The following BCAS3 variants were observed in gnomAD, a reference collection of about 807,000 sequenced individuals.
The protein encoded by BCAS3 is BCAS4/BCAS3 fusion.
In BCAS3, 53 loss-of-function variants were observed where a neutral mutation model predicts 116.1. The ratio of observed to expected loss-of-function variants is 0.46; its 90% CI spans 0.37 to 0.57. The LOEUF is 0.57. BCAS3 is among the 20% of genes least tolerant of loss of function. The pLI is 0.00. For missense variants in BCAS3, 917 were observed against 1,165.4 expected (o/e 0.79, Z 3.10); for synonymous variants, 391 against 408.2 (o/e 0.96, Z 0.51).
At chr17:60,701,175 C>T (rs1191477373) in intron 4 of BCAS3, among the ~76,000 whole-genome samples, 1 of 149,058 alleles carries the variant, frequency 6.7e-6, no homozygotes, top group Non-Finnish European at 1.5e-5. Context: ...ACTGGGGAGG[C>T]GGAGGTTGCA....
At chr17:60,874,618 A>T (rs371725896) in intron 8 of BCAS3, 44 bp from the exon 9 acceptor site, 24 of 1,378,636 alleles carry the variant, frequency 1.7e-5, no homozygotes, top group Non-Finnish European at 2.1e-5. Flanking sequence ...AGAATTTCAC[A>T]TTCACTTTTT....
chr17:61,268,320 C>G (rs376819605), intron 22 of BCAS3, among the ~76,000 whole-genome samples: 64 of 152,202 alleles, frequency 4.2e-4, no homozygotes, highest in African/African-American at 1.5e-3. Flanking sequence ...GTCTATCCCT[C>G]TCTTTTTGAA....
At chr17:61,090,324 C>CATAT (rs1267682141) in intron 22 of BCAS3, among the ~76,000 whole-genome samples, 1 of 152,088 alleles carries the variant, frequency 6.6e-6, no homozygotes, top group Non-Finnish European at 1.5e-5. Context: ...AACTCCAGGG[C>CATAT]ATATACCTTG....
Position 61,208,079 on chromosome 17 carries a change from CTT to C in BCAS3, c.2425+123516_2425+123517del, listed in dbSNP as rs548010140. 8.5e-5 allele frequency among the ~76,000 whole-genome samples: 13 copies of C among 152,062 alleles called. No individual in the cohort carries two copies. The highest frequency in any genetic ancestry group is 2.9e-4 in the African/African-American group (12 of 41,472). Reference sequence around the variant, plus strand: ...ACCCTTTTTTATTATATCTTAGTAACTTATTTAATATTTTAGAAAGTGGCTTA... The same window carrying C: ...ACCCTTTTTTATTATATCTTAGTAACATTTAATATTTTAGAAAGTGGCTTA... On this transcript the variant is annotated intron_variant, in intron 22 of 23. Transcript: ENST00000407086. This position sits in a 1 kb window ranked among gnomAD's most constrained non-coding sequence, Gnocchi z 4.5.
At position 61,101,302 on chromosome 17, in the gene BCAS3, G is replaced by A. The variant is rs146892076; in HGVS notation, c.2425+16738G>A. Among the ~76,000 whole-genome samples the A allele has an allele frequency of 3.0e-4, 46 of 152,148 alleles. 1 individual carries two copies. In the East Asian group the frequency reaches 7.9e-3, roughly 26 times the overall value. Reference sequence around the variant, plus strand: ...AGCTAGGAAAGCCACTCTCAATCAGGTAGTGGTTTCTTAAGCTGAAAAAGG... The same window carrying A: ...AGCTAGGAAAGCCACTCTCAATCAGATAGTGGTTTCTTAAGCTGAAAAAGG... On this transcript the variant is annotated intron_variant, in intron 22 of 23. Transcript: ENST00000407086.
chr17:60,935,311 A>G (rs1188814270), intron 13 of BCAS3, among the ~76,000 whole-genome samples: 6 of 152,224 alleles, frequency 3.9e-5, no homozygotes, highest in Non-Finnish European at 8.8e-5. Flanking sequence ...GAGTACAACA[A>G]TGTAAAATAA....
At chr17:60,999,331 A>G (rs1269621313) in intron 15 of BCAS3, among the ~76,000 whole-genome samples, 1 of 152,028 alleles carries the variant, frequency 6.6e-6, no homozygotes, top group African/African-American at 2.4e-5. Context: ...TGAGGTCAGA[A>G]GTTCGAGACC....
intron 22 of BCAS3, among the ~76,000 whole-genome samples, chr17:61,301,572 G>A (rs2053442014): frequency 6.6e-6 from 1 of 152,180 alleles, no homozygotes; most frequent in Non-Finnish European, 1.5e-5. Context: ...GGGAGGTGGA[G>A]GTTGCAATGA....
chr17:61,384,778 C>T (rs1376679236), intron 23 of BCAS3: 1 of 152,334 alleles, frequency 6.6e-6, no homozygotes, highest in African/African-American at 2.4e-5. Context: ...CTGCTAGCCC[C>T]AGCACCCCCG....
chr17:61,147,027 G>T (rs766541340), intron 22 of BCAS3, among the ~76,000 whole-genome samples: 1 of 151,588 alleles, frequency 6.6e-6, no homozygotes, highest in Non-Finnish European at 1.5e-5. Flanking sequence ...CAACCCTCCC[G>T]CCTCATCCTC....
At chr17:61,306,540 G>A (rs554981051) in intron 22 of BCAS3, among the ~76,000 whole-genome samples, 11 of 152,334 alleles carry the variant, frequency 7.2e-5, no homozygotes, top group African/African-American at 2.6e-4. Flanking sequence ...ACTTTGGGAG[G>A]CTGAGGTGGG....
At chr17:61,273,001 G>A (rs2050441404) in intron 22 of BCAS3, among the ~76,000 whole-genome samples, 1 of 151,938 alleles carries the variant, frequency 6.6e-6, no homozygotes. Flanking sequence ...GTAGATCTGA[G>A]TTTCAATTTT....
At chr17:60,835,245 C>T (rs1222935943) in intron 7 of BCAS3, among the ~76,000 whole-genome samples, 3 of 151,898 alleles carry the variant, frequency 2.0e-5, no homozygotes, top group Admixed American at 6.6e-5. Flanking sequence ...TGTGGATTTA[C>T]AATATGAGAT....
At chr17:61,009,300 A>G (rs1394872804) in intron 15 of BCAS3, among the ~76,000 whole-genome samples, 1 of 152,022 alleles carries the variant, frequency 6.6e-6, no homozygotes, top group Non-Finnish European at 1.5e-5. Context: ...CTTACCTCAT[A>G]TGTCTAATGA....
intron 10 of BCAS3, among the ~76,000 whole-genome samples, chr17:60,890,913 C>G (rs1241880273): frequency 6.6e-6 from 1 of 152,038 alleles, no homozygotes; most frequent in Non-Finnish European, 1.5e-5. Context: ...AATTTCTAGC[C>G]TCTGGAATGT....
At chr17:61,182,868 G>C (rs2079559196) in intron 22 of BCAS3, among the ~76,000 whole-genome samples, 1 of 152,190 alleles carries the variant, frequency 6.6e-6, no homozygotes, top group South Asian at 2.1e-4. Flanking sequence ...GTGGCCGTGG[G>C]CCCCTTTTCA....
chr17:61,086,396 A>G (rs1006381592), intron 22 of BCAS3, among the ~76,000 whole-genome samples: 1 of 152,178 alleles, frequency 6.6e-6, no homozygotes, highest in African/African-American at 2.4e-5. Context: ...TCTGGCCAAC[A>G]TTCCATATTT....
Position 61,077,353 on chromosome 17 carries a change from T to TA in BCAS3, c.2131-975dup, listed in dbSNP as rs556865214. ...TAACACGGTGAAACCCCGTCTCTAC[T>TA]AAAAATACAAAAAATTAGCCGGGCG... On this transcript the variant is annotated intron_variant, in intron 20 of 23. Transcript: ENST00000407086. The surrounding 1 kb of genome is among the most constrained non-coding windows in gnomAD (Gnocchi z 4.3). 3.3e-4 allele frequency among the ~76,000 whole-genome samples: 50 copies of TA among 152,062 alleles called. 1 individual carries two copies. In the East Asian group the frequency reaches 9.7e-3, roughly 29 times the overall value.
chr17:61,324,699 G>A lies in BCAS3; in HGVS notation c.2426-43628G>A, dbSNP rs1568854972. On this transcript the variant is annotated intron_variant, in intron 22 of 23. Transcript: ENST00000407086. The surrounding 1 kb of genome is among the most constrained non-coding windows in gnomAD (Gnocchi z 4.6). ...TCCTCTCCCTCATCTCATTTGCCTT[G>A]TTTATAAAATGGTATCCAGCCAGGC... Among the ~76,000 whole-genome samples the A allele has an allele frequency of 6.6e-6, 1 of 151,892 alleles. No individual in the cohort carries two copies. The highest frequency in any genetic ancestry group is 1.5e-5 in the Non-Finnish European group (1 of 68,010).
Sources: allele counts gnomAD v4.1 joint callset (sites outside exome capture counted in the v4.1 genomes callset), GRCh38; gene constraint gnomAD v4.1.1; non-coding constraint Gnocchi (gnomAD v3.1); transcripts MANE v1.5; gene names NCBI Gene and HGNC (gene_info 2026-07-23, HGNC 2026-07-21).